Variants in TTL observed in about 807,000 individuals in gnomAD.
The protein encoded by TTL is tubulin tyrosine ligase.
In TTL, 10 loss-of-function variants were observed where a neutral mutation model predicts 41.1. The observed-to-expected ratio is 0.24, with a 90% confidence interval of 0.15 to 0.41. The LOEUF is 0.41. Among genes scored for constraint, TTL ranks in the 10% least tolerant of loss-of-function variants. The probability of loss-of-function intolerance (pLI) is 1.00; values close to 1 mark genes in which losing one functional copy is unlikely to be tolerated. For missense variants in TTL, 367 were observed against 460.4 expected (o/e 0.80, Z 1.86); for synonymous variants, 175 against 175.5 (o/e 1.00, Z 0.02).
At position 112,528,872 on chromosome 2, in the gene TTL, T is replaced by C. The variant is rs1574075178; in HGVS notation, c.*77T>C. The C allele has an allele frequency of 4.2e-6, 5 of 1,190,308 alleles. No homozygotes were observed. The highest frequency in any genetic ancestry group is 1.5e-5 in the African/African-American group (1 of 66,704). The allele number at this position is 1,190,308 out of a possible 1,614,324, so 73.7% of individuals were successfully genotyped here. On this transcript the variant is annotated 3_prime_UTR_variant, in exon 7 of 7. Transcript: ENST00000233336. ...AATGGTGAAATGACTGGATTGCTCT[T>C]TATCCAGCCCACAGCAGGGGAAAGA...
intron 1 of TTL, among the ~76,000 whole-genome samples, chr2:112,484,503 G>C (rs1681186578): frequency 6.6e-6 from 1 of 151,988 alleles, no homozygotes; most frequent in African/African-American, 2.4e-5. Context: ...GACCTCAGGT[G>C]ATCCGCCCAC....
At chr2:112,502,212 G>C (rs748826226) in intron 4 of TTL, among the ~76,000 whole-genome samples, 4 of 152,172 alleles carry the variant, frequency 2.6e-5, no homozygotes, top group Non-Finnish European at 1.5e-5. Flanking sequence ...CTGTCTCCTT[G>C]ATTGCTTCAT....
In TTL at chr2:112,536,515, T is replaced by C. The variant is rs1682601278; in HGVS notation, c.*7720T>C. On this transcript the variant is annotated 3_prime_UTR_variant, in exon 7 of 7. Transcript: ENST00000233336. Reference sequence around the variant, plus strand: ...TAAACTTTAAGAAAAAAATTGTTTCTATAGACAAAGAAGGACTTTTTTTTA... The same window carrying C: ...TAAACTTTAAGAAAAAAATTGTTTCCATAGACAAAGAAGGACTTTTTTTTA... 6.6e-6 allele frequency: 1 copy of C among 152,258 alleles called. No homozygotes were observed. Among genetic ancestry groups the C allele is most frequent in the Non-Finnish European group, 1.5e-5 (1 of 68,038 alleles). 9.4% of individuals were successfully genotyped at this position (152,258 alleles called of 1,614,324 possible).
In TTL at chr2:112,531,498, C is replaced by T. The variant is rs1388429811; in HGVS notation, c.*2703C>T. On this transcript the variant is annotated 3_prime_UTR_variant, in exon 7 of 7. Coordinates refer to ENST00000233336, the MANE Select transcript of TTL (RefSeq NM_153712.5). ...CAAGAGCCTTTAGTACCAAGGTTCTCAACACTGACTACATGCTGGAATGAC... is the reference window on the plus strand; with the variant it reads ...CAAGAGCCTTTAGTACCAAGGTTCTTAACACTGACTACATGCTGGAATGAC... 1 of 230,162 alleles carries T rather than the reference C, an allele frequency of 4.3e-6. No homozygotes were observed. Among genetic ancestry groups the T allele is most frequent in the African/African-American group, 2.2e-5 (1 of 45,128 alleles). 14.3% of individuals were successfully genotyped at this position (230,162 alleles called of 1,614,324 possible). A position where few individuals can be genotyped will look rare whatever the true frequency, so the allele number is the denominator to read the frequency against.
intron 2 of TTL, among the ~76,000 whole-genome samples, chr2:112,491,585 A>T (rs940919239): frequency 2.0e-5 from 3 of 152,154 alleles, no homozygotes; most frequent in African/African-American, 7.2e-5. Context: ...TTTGCATCTA[A>T]AATGGTTTTC....
Position 112,532,261 on chromosome 2 carries a change from G to A in TTL, c.*3466G>A, listed in dbSNP as rs1239860520. On this transcript the variant is annotated 3_prime_UTR_variant, in exon 7 of 7. Transcript: ENST00000233336. The stretch of plus-strand genomic sequence containing the variant: ...CCGGAGTAGGTCCCGTGTAGCATGC[G>A]GGTGCTGTAGAGAAAATTCAGTGAC... The A allele has an allele frequency of 1.3e-5, 3 of 228,466 alleles. No homozygotes were observed. The highest frequency in any genetic ancestry group is 2.6e-5 in the Non-Finnish European group (3 of 115,140). The allele number at this position is 228,466 out of a possible 1,614,324, so 14.2% of individuals were successfully genotyped here.
In TTL at chr2:112,529,853, G is replaced by A. The variant is rs768235043; in HGVS notation, c.*1058G>A. ...GGAGAGTATATATCCTGCCTGAATGGGGAAGTCTTCTAAAATGGGAAAGAA... is the reference window on the plus strand; with the variant it reads ...GGAGAGTATATATCCTGCCTGAATGAGGAAGTCTTCTAAAATGGGAAAGAA... On this transcript the variant is annotated 3_prime_UTR_variant, in exon 7 of 7. Coordinates refer to ENST00000233336, the MANE Select transcript of TTL (RefSeq NM_153712.5). The A allele has an allele frequency of 2.1e-4, 48 of 223,318 alleles. No homozygotes were observed. Among genetic ancestry groups the A allele is most frequent in the Non-Finnish European group, 4.5e-5 (5 of 111,898 alleles). The allele number at this position is 223,318 out of a possible 1,614,324, so 13.8% of individuals were successfully genotyped here. A position where few individuals can be genotyped will look rare whatever the true frequency, so the allele number is the denominator to read the frequency against.
chr2:112,485,699 G>A (rs1466615692), intron 1 of TTL, among the ~76,000 whole-genome samples: 3 of 152,164 alleles, frequency 2.0e-5, no homozygotes, highest in Non-Finnish European at 4.4e-5. Context: ...GCAAACCTAC[G>A]ATGTTGATAT....
chr2:112,491,464 T>C (rs1189119938), intron 2 of TTL, among the ~76,000 whole-genome samples: 5 of 152,224 alleles, frequency 3.3e-5, no homozygotes, highest in Non-Finnish European at 7.3e-5. Flanking sequence ...TCTTTGATAT[T>C]GTTAGAAAGG....
At chr2:112,523,843 G>A (rs1682307268) in intron 6 of TTL, among the ~76,000 whole-genome samples, 1 of 151,848 alleles carries the variant, frequency 6.6e-6, no homozygotes, top group African/African-American at 2.4e-5. Context: ...TGTGCACAAT[G>A]TGTAGGTTTG....
rs549735829 is a variant in TTL at position 112,533,259 on chromosome 2, A to G, written c.*4464A>G. ...ATGACACATTCCCAGTGGACTCAGC[A>G]GAGATTGCATGGGCAGGGTGCAGGG... On this transcript the variant is annotated 3_prime_UTR_variant, in exon 7 of 7. Coordinates refer to ENST00000233336, the MANE Select transcript of TTL (RefSeq NM_153712.5). 1.3e-5 allele frequency: 2 copies of G among 152,554 alleles called. No individual in the cohort carries two copies. Among genetic ancestry groups the G allele is most frequent in the Non-Finnish European group, 2.9e-5 (2 of 68,362 alleles). 9.5% of individuals were successfully genotyped at this position (152,554 alleles called of 1,614,324 possible).
At position 112,530,644 on chromosome 2, in the gene TTL, CT is replaced by C; in HGVS notation, c.*1850del. ...GGAAAGCATGGGCATTTTTGTATTG[CT>C]GTCACATGCTAACAGAGGTTTGTAA... On this transcript the variant is annotated 3_prime_UTR_variant, in exon 7 of 7. Transcript: ENST00000233336. The C allele has an allele frequency of 4.5e-6, 1 of 222,422 alleles. No individual in the cohort carries two copies. 13.8% of individuals were successfully genotyped at this position (222,422 alleles called of 1,614,324 possible).
intron 6 of TTL, 58 bp from the exon 7 acceptor site, chr2:112,528,623 T>G: frequency 1.4e-6 from 2 of 1,456,224 alleles, no homozygotes; most frequent in African/African-American, 2.8e-5. Context: ...AAACATCTAT[T>G]TTTTTTGCTT....
At chr2:112,509,704 G>C (rs962047194) in intron 5 of TTL, among the ~76,000 whole-genome samples, 4 of 152,156 alleles carry the variant, frequency 2.6e-5, no homozygotes, top group African/African-American at 9.7e-5. Flanking sequence ...ACTGGCCTGC[G>C]CCCACTGTCT....
chr2:112,498,625 C>T (rs183141899), intron 3 of TTL, among the ~76,000 whole-genome samples: 57 of 151,922 alleles, frequency 3.8e-4, no homozygotes, highest in Admixed American at 1.4e-3. Context: ...ATGGAGGGGC[C>T]GGGCACGGTG....
chr2:112,521,861 G>T (rs1033237257), intron 6 of TTL, among the ~76,000 whole-genome samples: 1 of 152,178 alleles, frequency 6.6e-6, no homozygotes, highest in Admixed American at 6.5e-5. Context: ...AAGGGCCCAC[G>T]ATGGGAAGTG....
intron 5 of TTL, among the ~76,000 whole-genome samples, chr2:112,515,894 C>G (rs1682056165): frequency 6.6e-6 from 1 of 151,688 alleles, no homozygotes; most frequent in African/African-American, 2.4e-5. Context: ...TTGCAGTGAC[C>G]CAAGATCACA....
chr2:112,511,850 C>T (rs369364068), intron 5 of TTL, among the ~76,000 whole-genome samples: 1 of 151,994 alleles, frequency 6.6e-6, no homozygotes, highest in African/African-American at 2.4e-5. Flanking sequence ...GGATTACAGG[C>T]GTGAGCCACC....
At chr2:112,500,713 A>T (rs1370588274) in intron 3 of TTL, among the ~76,000 whole-genome samples, 1 of 152,302 alleles carries the variant, frequency 6.6e-6, no homozygotes, top group Admixed American at 6.5e-5. Context: ...GCTATTAAAA[A>T]GGATATATCA....
Sources: allele counts gnomAD v4.1 joint callset (sites outside exome capture counted in the v4.1 genomes callset), GRCh38; gene constraint gnomAD v4.1.1; transcripts MANE v1.5; gene names NCBI Gene and HGNC (gene_info 2026-07-23, HGNC 2026-07-21).